The following HHIPL1 variants were observed in gnomAD, a reference collection of about 807,000 sequenced individuals.
HHIPL1 encodes HHIP like 1, also known as HHIP-like protein 1.
Under a neutral mutation model 61.8 loss-of-function variants are expected in HHIPL1, and 43 were observed. The observed-to-expected ratio is 0.70, with a 90% CI of 0.55 to 0.90. HHIPL1 has a LOEUF of 0.90. Ranked by LOEUF, HHIPL1 falls within the 40% of genes least tolerant of loss-of-function variation. HHIPL1 has a pLI of 0.00. For missense variants in HHIPL1, 1,056 were observed against 1,157.7 expected (o/e 0.91, Z 1.28); for synonymous variants, 482 against 515.8 (o/e 0.93, Z 0.89).
At chr14:99,621,776 T>TGC in the HHIPL1 span, among the ~76,000 whole-genome samples, 1 of 136,536 alleles carries the variant, frequency 7.3e-6, no homozygotes. Context: ...AGTGCAGTGA[T>TGC]GCGATCTTGG....
intron 1 of HHIPL1, among the ~76,000 whole-genome samples, chr14:99,648,932 A>G (rs1372516244): frequency 6.6e-6 from 1 of 152,324 alleles, no homozygotes; most frequent in East Asian, 1.9e-4. Flanking sequence ...ACTCTGGGCA[A>G]GATGGGGGCC....
In HHIPL1 at chr14:99,676,908, A is replaced by G. The variant is rs1887825; in HGVS notation, c.*1282A>G. ...AAGCAGATGAGTCACCAGGCAGTGAAGACAGGATGTGGCCCATGTCGGGGG... is the reference window on the plus strand; with the variant it reads ...AAGCAGATGAGTCACCAGGCAGTGAGGACAGGATGTGGCCCATGTCGGGGG... On this transcript the variant is annotated 3_prime_UTR_variant, in exon 9 of 9. Transcript: ENST00000330710. The G allele has an allele frequency of 0.98, 148,031 of 150,750 alleles. 72,753 individuals are homozygous for G. Among genetic ancestry groups the G allele is most frequent in the Middle Eastern group, 1 (300 of 300 alleles). The allele number at this position is 150,750 out of a possible 1,614,324, so 9.3% of individuals were successfully genotyped here.
chr14:99,632,882 T>TGTGA, the HHIPL1 span, among the ~76,000 whole-genome samples: 3 of 150,512 alleles, frequency 2.0e-5, no homozygotes, highest in East Asian at 3.9e-4. Flanking sequence ...GGTGTGTGTG[T>TGTGA]GAGAGAGAGA....
chr14:99,612,823 C>T, the HHIPL1 span, among the ~76,000 whole-genome samples: 4 of 152,174 alleles, frequency 2.6e-5, no homozygotes, highest in Admixed American at 2.6e-4. Flanking sequence ...TCAGGTACCT[C>T]CAGCCCCCAC....
In HHIPL1 at chr14:99,659,567, A is replaced by G; in HGVS notation, c.1186A>G (p.Met396Val). The G allele has an allele frequency of 6.4e-7, 1 of 1,551,816 alleles. No homozygotes were observed. The highest frequency in any genetic ancestry group is 8.7e-7 in the Non-Finnish European group (1 of 1,152,044). Residue 396 changes from methionine (M) to valine (V), a missense_variant, in exon 4 of 9, where the codon ATG becomes GTG. Transcript: ENST00000330710. Reference sequence around the variant, plus strand: ...GGTCTACGCCCTGGGCGTGCGCAACATGTGGCGCTGCTCCTTCGACCGTGG... The same window carrying G: ...GGTCTACGCCCTGGGCGTGCGCAACGTGTGGCGCTGCTCCTTCGACCGTGG... ...PEVYALGVRNMWRCSFDRGDP... is the reference protein window; with the variant it reads ...PEVYALGVRNVWRCSFDRGDP...
intron 7 of HHIPL1, 108 bp from the exon 8 acceptor site, chr14:99,672,209 C>A: frequency 1.3e-6 from 1 of 799,058 alleles, no homozygotes. Context: ...TGGTGAATGG[C>A]CGCCTGTTAC....
At chr14:99,649,664 G>A (rs1276257104) in intron 1 of HHIPL1, among the ~76,000 whole-genome samples, 2 of 152,178 alleles carry the variant, frequency 1.3e-5, no homozygotes, top group Non-Finnish European at 2.9e-5. Context: ...GTGTGGTAGA[G>A]CACGTCTGTG....
chr14:99,653,012 C>T, intron 2 of HHIPL1, 142 bp downstream of exon 2: 2 of 829,804 alleles, frequency 2.4e-6, no homozygotes, highest in Non-Finnish European at 3.7e-6. Flanking sequence ...TGCTTTGGGG[C>T]CTGGAGAAGG....
intron 1 of HHIPL1, among the ~76,000 whole-genome samples, chr14:99,647,529 C>A (rs2055860996): frequency 6.6e-6 from 1 of 152,248 alleles, no homozygotes; most frequent in Admixed American, 6.5e-5. Context: ...GACAGCCTGG[C>A]TTTAAGCAAC....
the HHIPL1 span, among the ~76,000 whole-genome samples, chr14:99,607,638 G>A: frequency 6.6e-6 from 1 of 152,148 alleles, no homozygotes; most frequent in African/African-American, 2.4e-5. Context: ...GACAAGCAGA[G>A]TGTGCCCCTC....
At chr14:99,629,704 T>C in the HHIPL1 span, among the ~76,000 whole-genome samples, 2 of 152,270 alleles carry the variant, frequency 1.3e-5, no homozygotes, top group African/African-American at 2.4e-5. Context: ...GGTTTCACCA[T>C]GTTGGCCAGG....
the HHIPL1 span, among the ~76,000 whole-genome samples, chr14:99,607,033 T>TTTC: frequency 2.5e-4 from 32 of 127,824 alleles, 1 homozygote; most frequent in African/African-American, 9.1e-4. Flanking sequence ...TTTTTTTTTT[T>TTTC]TTTTTTTTTT....
At chr14:99,619,797 G>A in the HHIPL1 span, among the ~76,000 whole-genome samples, 1 of 151,086 alleles carries the variant, frequency 6.6e-6, no homozygotes, top group Non-Finnish European at 1.5e-5. Context: ...TCCCGCTGCT[G>A]AGCGCCAGTT....
rs767386626 is a variant in HHIPL1 at position 99,659,550 on chromosome 14, C to A, written c.1169C>A (p.Ala390Asp). Residue 390 changes from alanine (A) to aspartate (D), a missense_variant, in exon 4 of 9, where the codon GCC (alanine) becomes GAC (aspartate). Ala to Asp is a moderately radical substitution (Grantham distance 126). Transcript: ENST00000330710. Reference sequence around the variant, plus strand: ...CCCGCGGCGCAGCCCGAGGTCTACGCCCTGGGCGTGCGCAACATGTGGCGC... The same window carrying A: ...CCCGCGGCGCAGCCCGAGGTCTACGACCTGGGCGTGCGCAACATGTGGCGC... ...GDPAAQPEVY[A>D]LGVRNMWRCS... 2.2e-5 allele frequency: 34 copies of A among 1,548,932 alleles called. No homozygotes were observed. The highest frequency in any genetic ancestry group is 2.4e-5 in the Non-Finnish European group (28 of 1,150,892).
chr14:99,652,915 A>G (rs940180162), intron 2 of HHIPL1, 45 bp downstream of exon 2: 2 of 1,571,172 alleles, frequency 1.3e-6, no homozygotes, highest in South Asian at 1.2e-5. Context: ...GCAGGCACCC[A>G]TATGCACTGG....
intron 4 of HHIPL1, 133 bp downstream of exon 4, chr14:99,659,889 G>C: frequency 1.4e-6 from 1 of 714,278 alleles, no homozygotes; most frequent in Non-Finnish European, 2.1e-6. Context: ...TCTGTCCTCG[G>C]CCCCACTCTA....
intron 1 of HHIPL1, among the ~76,000 whole-genome samples, chr14:99,650,325 T>C (rs2140056431): frequency 6.6e-6 from 1 of 152,224 alleles, no homozygotes; most frequent in Admixed American, 6.5e-5. Context: ...ACCTCCCCAC[T>C]GCAGAAGGAG....
At chr14:99,669,750 C>T (rs1024318814) in intron 7 of HHIPL1, among the ~76,000 whole-genome samples, 1 of 152,132 alleles carries the variant, frequency 6.6e-6, no homozygotes, top group Non-Finnish European at 1.5e-5. Context: ...CATAGCAAGA[C>T]CCCATCTCAA....
chr14:99,623,440 G>C, the HHIPL1 span, among the ~76,000 whole-genome samples: 1 of 152,138 alleles, frequency 6.6e-6, no homozygotes, highest in Non-Finnish European at 1.5e-5. Flanking sequence ...TTAAGGCAGA[G>C]TCTTGCTCTG....
Sources: allele counts gnomAD v4.1 joint callset (sites outside exome capture counted in the v4.1 genomes callset), GRCh38; gene constraint gnomAD v4.1.1; transcripts MANE v1.5; gene names NCBI Gene and HGNC (gene_info 2026-07-23, HGNC 2026-07-21).